Variants in NKAIN2 observed in about 807,000 individuals in gnomAD.
The protein encoded by NKAIN2 is sodium/potassium transporting ATPase interacting 2, also known as sodium/potassium-transporting ATPase subunit beta-1-interacting protein 2.
A neutral mutation model predicts 32.6 loss-of-function variants in NKAIN2; 14 were observed. The ratio of observed to expected loss-of-function variants is 0.43; its 90% CI spans 0.28 to 0.67. The LOEUF is 0.67. Among genes scored for constraint, NKAIN2 ranks in the 30% least tolerant of loss-of-function variants. The pLI is 0.17. For synonymous variants in NKAIN2, 80 were observed against 87.2 expected (o/e 0.92, Z 0.46); for missense variants, 198 against 258.3 (o/e 0.77, Z 1.60).
intron 4 of NKAIN2, among the ~76,000 whole-genome samples, chr6:124,788,685 C>G (rs756752627): frequency 6.6e-6 from 1 of 151,928 alleles, no homozygotes; most frequent in Non-Finnish European, 1.5e-5. Context: ...TCCCATGATT[C>G]GATTACCTCC....
intron 1 of NKAIN2, among the ~76,000 whole-genome samples, chr6:124,011,256 C>T (rs1284974233): frequency 2.6e-5 from 4 of 151,892 alleles, no homozygotes; most frequent in African/African-American, 7.2e-5. Flanking sequence ...ATTCACACCT[C>T]ACTCTCTATC....
chr6:124,208,800 C>A (rs1410974609), intron 1 of NKAIN2, among the ~76,000 whole-genome samples: 1 of 150,806 alleles, frequency 6.6e-6, no homozygotes, highest in African/African-American at 2.4e-5. Context: ...TTTTTCTATG[C>A]TTTATTTATT....
intron 2 of NKAIN2, among the ~76,000 whole-genome samples, chr6:124,334,907 G>A (rs1201475377): frequency 3.3e-5 from 5 of 152,168 alleles, no homozygotes; most frequent in Non-Finnish European, 5.9e-5. Context: ...TGAACAGCTT[G>A]GAAGTTAGAA....
At chr6:123,938,513 ATATATATT>A (rs1378335488) in intron 1 of NKAIN2, among the ~76,000 whole-genome samples, 6 of 136,850 alleles carry the variant, frequency 4.4e-5, no homozygotes, top group African/African-American at 1.6e-4. Context: ...ATAATATATT[ATATATATT>A]TATATATTAT....
At chr6:124,314,435 G>A (rs1305736956) in intron 2 of NKAIN2, among the ~76,000 whole-genome samples, 1 of 152,118 alleles carries the variant, frequency 6.6e-6, no homozygotes, top group Non-Finnish European at 1.5e-5. Context: ...GCTCTGAGGT[G>A]CAGAGGGCTT....
chr6:124,179,820 G>A (rs775293288), intron 1 of NKAIN2, among the ~76,000 whole-genome samples: 1 of 152,204 alleles, frequency 6.6e-6, no homozygotes, highest in Non-Finnish European at 1.5e-5. Context: ...CTCCTTGATT[G>A]CAAACCTTCT....
chr6:123,975,045 G>A lies in NKAIN2; in HGVS notation c.54+170791G>A, dbSNP rs542266001. 2.2e-4 allele frequency among the ~76,000 whole-genome samples: 33 copies of A among 152,218 alleles called. No individual in the cohort carries two copies. In the South Asian group the frequency reaches 5.6e-3, roughly 26 times the overall value. On this transcript the variant is annotated intron_variant, in intron 1 of 6. Transcript: ENST00000368417. ...GCGTATGTTTGGTTATTAAGGGGAA[G>A]GGAGAGTAAAACTTTATAGATAGAA...
At chr6:124,386,058 A>C (rs1036246827) in intron 3 of NKAIN2, among the ~76,000 whole-genome samples, 5 of 152,092 alleles carry the variant, frequency 3.3e-5, no homozygotes, top group African/African-American at 1.2e-4. Flanking sequence ...ATTGAAGAAA[A>C]ATGGGTGTCC....
chr6:124,658,144 T>C (rs770880629), intron 3 of NKAIN2, 42 bp from the exon 4 acceptor site: 1 of 1,461,946 alleles, frequency 6.8e-7, no homozygotes, highest in Non-Finnish European at 9.3e-7. Flanking sequence ...CTGACTAACA[T>C]TTATAAAGTA....
intron 1 of NKAIN2, among the ~76,000 whole-genome samples, chr6:124,273,141 A>G (rs1794874540): frequency 1.3e-5 from 2 of 152,170 alleles, no homozygotes; most frequent in African/African-American, 2.4e-5. Flanking sequence ...GTTTTGAAAT[A>G]TGAAAGGGAC....
At chr6:124,595,158 G>A (rs181437572) in intron 3 of NKAIN2, among the ~76,000 whole-genome samples, 2 of 152,306 alleles carry the variant, frequency 1.3e-5, no homozygotes, top group East Asian at 1.9e-4. Flanking sequence ...ATTCCTGGTG[G>A]CTTGTTTTCA....
intron 1 of NKAIN2, among the ~76,000 whole-genome samples, chr6:123,999,322 C>CTA (rs1779779580): frequency 6.6e-6 from 1 of 152,116 alleles, no homozygotes. Flanking sequence ...TGCAGGTACA[C>CTA]TATAAGGTCA....
At chr6:124,630,538 C>T (rs894149233) in intron 3 of NKAIN2, among the ~76,000 whole-genome samples, 1 of 152,124 alleles carries the variant, frequency 6.6e-6, no homozygotes, top group Non-Finnish European at 1.5e-5. Context: ...TAGTCTTTTA[C>T]TTTTCCCACC....
intron 1 of NKAIN2, among the ~76,000 whole-genome samples, chr6:124,077,417 T>C (rs746242563): frequency 6.6e-6 from 1 of 152,184 alleles, no homozygotes. Flanking sequence ...TTGATAGAAA[T>C]GTGAATTAGC....
At chr6:124,289,306 T>G (rs1227071089) in intron 2 of NKAIN2, among the ~76,000 whole-genome samples, 1 of 152,114 alleles carries the variant, frequency 6.6e-6, no homozygotes, top group Admixed American at 6.6e-5. Context: ...GGCTGTTGGT[T>G]TCTAGATTGA....
At chr6:124,087,910 G>A (rs1295746692) in intron 1 of NKAIN2, among the ~76,000 whole-genome samples, 2 of 151,950 alleles carry the variant, frequency 1.3e-5, no homozygotes, top group Non-Finnish European at 1.5e-5. Context: ...TTTTATTATA[G>A]TGGAATATAC....
At chr6:124,163,916 C>T (rs1049767117) in intron 1 of NKAIN2, among the ~76,000 whole-genome samples, 1 of 151,954 alleles carries the variant, frequency 6.6e-6, no homozygotes, top group African/African-American at 2.4e-5. Flanking sequence ...CTGAAACTTG[C>T]AGAAAGACGA....
At chr6:124,486,679 T>A (rs1777664328) in intron 3 of NKAIN2, among the ~76,000 whole-genome samples, 1 of 152,170 alleles carries the variant, frequency 6.6e-6, no homozygotes. Flanking sequence ...TGGGAAGCTC[T>A]TCTTTACAGA....
At chr6:124,107,549 A>C (rs1408569314) in intron 1 of NKAIN2, among the ~76,000 whole-genome samples, 1 of 152,162 alleles carries the variant, frequency 6.6e-6, no homozygotes, top group Non-Finnish European at 1.5e-5. Context: ...TTTAAAAAAG[A>C]CTTAACATGA....
Sources: allele counts gnomAD v4.1 joint callset (sites outside exome capture counted in the v4.1 genomes callset), GRCh38; gene constraint gnomAD v4.1.1; transcripts MANE v1.5; gene names NCBI Gene and HGNC (gene_info 2026-07-23, HGNC 2026-07-21).